The following PPFIA2 variants were observed in gnomAD, a reference collection of about 807,000 sequenced individuals.
PPFIA2 encodes PPFI scaffold protein A2.
Under a neutral mutation model 175.5 loss-of-function variants are expected in PPFIA2, and 46 were observed. That is an observed-to-expected ratio of 0.26 (90% confidence interval 0.21 to 0.34). The LOEUF (loss-of-function observed/expected upper bound fraction) is 0.34. Ranked by LOEUF, PPFIA2 falls within the 10% of genes least tolerant of loss-of-function variation. The probability of loss-of-function intolerance (pLI) is 1.00; values close to 1 mark genes in which losing one functional copy is unlikely to be tolerated. For missense variants in PPFIA2, 1,179 were observed against 1,506.1 expected (o/e 0.78, Z 3.60); for synonymous variants, 568 against 511.4 (o/e 1.11, Z -1.49).
chr12:81,581,876 T>C (rs2074468266), intron 4 of PPFIA2, among the ~76,000 whole-genome samples: 1 of 151,906 alleles, frequency 6.6e-6, no homozygotes, highest in South Asian at 2.1e-4. Flanking sequence ...CTGAATGGTG[T>C]TTTAAAATGT....
intron 3 of PPFIA2, among the ~76,000 whole-genome samples, chr12:81,737,574 T>A (rs940315272): frequency 3.3e-5 from 5 of 151,866 alleles, no homozygotes; most frequent in African/African-American, 1.2e-4. Context: ...CAAAAATGAA[T>A]AATAATTCAC....
chr12:81,690,963 C>T (rs1007595607), intron 3 of PPFIA2, among the ~76,000 whole-genome samples: 1 of 152,092 alleles, frequency 6.6e-6, no homozygotes, highest in Admixed American at 6.6e-5. Context: ...TATAAGGACT[C>T]TTACATTGGA....
chr12:81,532,343 T>C (rs2064699128), intron 4 of PPFIA2, among the ~76,000 whole-genome samples: 1 of 151,560 alleles, frequency 6.6e-6, no homozygotes, highest in African/African-American at 2.4e-5. Flanking sequence ...AAAAAGAAAG[T>C]GAGATGAAAA....
chr12:81,536,469 A>C (rs939704009), intron 4 of PPFIA2, among the ~76,000 whole-genome samples: 2 of 151,346 alleles, frequency 1.3e-5, no homozygotes, highest in Non-Finnish European at 3.0e-5. Flanking sequence ...AACGAAAGAC[A>C]AGTATTGTTT....
chr12:81,523,150 G>C (rs1309928764), intron 4 of PPFIA2, among the ~76,000 whole-genome samples: 1 of 152,136 alleles, frequency 6.6e-6, no homozygotes, highest in African/African-American at 2.4e-5. Context: ...GGGAGGATGG[G>C]ATATACATTA....
chr12:81,692,806 C>G (rs2895902), intron 3 of PPFIA2, among the ~76,000 whole-genome samples: 135,771 of 152,134 alleles, frequency 0.89, 60,855 homozygotes, highest in East Asian at 1. Flanking sequence ...GAATGTATAA[C>G]AATCATTAAA....
intron 4 of PPFIA2, among the ~76,000 whole-genome samples, chr12:81,534,173 G>A (rs2065050841): frequency 6.6e-6 from 1 of 151,540 alleles, no homozygotes; most frequent in Non-Finnish European, 1.5e-5. Flanking sequence ...AAGGGTGTGT[G>A]TGTAAAAAGA....
intron 25 of PPFIA2, among the ~76,000 whole-genome samples, 161 bp from the exon 26 acceptor site, chr12:81,283,200 T>C (rs1484991661): frequency 6.6e-6 from 1 of 152,098 alleles, no homozygotes; most frequent in African/African-American, 2.4e-5. Context: ...GTGATCAATT[T>C]TGCAGTTCAA....
intron 30 of PPFIA2, among the ~76,000 whole-genome samples, chr12:81,264,363 T>C (rs1391086646): frequency 6.6e-6 from 1 of 152,244 alleles, no homozygotes; most frequent in Non-Finnish European, 1.5e-5. Context: ...AGTAGCAATA[T>C]ATAATTCAGC....
chr12:81,404,123 A>C (rs2042514770), intron 8 of PPFIA2, among the ~76,000 whole-genome samples: 1 of 152,028 alleles, frequency 6.6e-6, no homozygotes, highest in South Asian at 2.1e-4. Context: ...AAAATATTTG[A>C]AAAAAATATA....
intron 4 of PPFIA2, among the ~76,000 whole-genome samples, chr12:81,618,460 T>G (rs1175170346): frequency 6.6e-6 from 1 of 151,874 alleles, no homozygotes; most frequent in Non-Finnish European, 1.5e-5. Flanking sequence ...ATTTACTCAT[T>G]AATGTATTAT....
chr12:81,348,622 G>A (rs2140690352), intron 17 of PPFIA2, among the ~76,000 whole-genome samples: 1 of 152,192 alleles, frequency 6.6e-6, no homozygotes, highest in East Asian at 1.9e-4. Flanking sequence ...TGTAATCCCA[G>A]CTACTCGGGA....
At chr12:81,366,311 C>T (rs1445660884) in intron 14 of PPFIA2, among the ~76,000 whole-genome samples, 3 of 151,582 alleles carry the variant, frequency 2.0e-5, no homozygotes, top group Non-Finnish European at 4.4e-5. Context: ...GTTTCCTCTT[C>T]TACCACATAC....
At chr12:81,621,266 G>A (rs1423980027) in intron 4 of PPFIA2, among the ~76,000 whole-genome samples, 10 of 152,200 alleles carry the variant, frequency 6.6e-5, no homozygotes, top group Non-Finnish European at 1.5e-4. Context: ...TAGCTAGGGT[G>A]TGACTGAAGA....
At chr12:81,556,260 C>T (rs1033757243) in intron 4 of PPFIA2, among the ~76,000 whole-genome samples, 4 of 151,852 alleles carry the variant, frequency 2.6e-5, no homozygotes, top group African/African-American at 4.8e-5. Flanking sequence ...GATAAATGCA[C>T]GGTGGTCATT....
In PPFIA2 at chr12:81,523,920, A is replaced by G. The variant is rs1031571840; in HGVS notation, c.304-66054T>C. ...ATATAAACAATGAAAAATTCTTAGA[A>G]CAAAACTGAACCTTTAGAACTTTGG... On this transcript the variant is annotated intron_variant, in intron 4 of 32. Transcript: ENST00000549396. Among the ~76,000 whole-genome samples the G allele has an allele frequency of 5.9e-5, 9 of 152,182 alleles. No homozygotes were observed. In the East Asian group the frequency reaches 1.5e-3, roughly 26 times the overall value.
intron 22 of PPFIA2, among the ~76,000 whole-genome samples, chr12:81,308,597 A>G (rs2049944173): frequency 6.6e-6 from 1 of 152,190 alleles, no homozygotes; most frequent in Non-Finnish European, 1.5e-5. Flanking sequence ...AAATAAAATA[A>G]TGGTCCCCTA....
chr12:81,369,218 A>C (rs932057408), intron 11 of PPFIA2, 24 bp from the exon 12 acceptor site: 1 of 1,599,682 alleles, frequency 6.3e-7, no homozygotes, highest in East Asian at 2.3e-5. Flanking sequence ...TGAAGAATAC[A>C]CCTGAAATGT....
At chr12:81,709,374 T>G (rs2077598368) in intron 3 of PPFIA2, among the ~76,000 whole-genome samples, 1 of 152,136 alleles carries the variant, frequency 6.6e-6, no homozygotes, top group South Asian at 2.1e-4. Flanking sequence ...TTTATTTTGT[T>G]AATTTTTTTG....
Sources: gnomAD v4.1 joint callset for allele counts (sites outside exome capture counted in the v4.1 genomes callset) on GRCh38, gnomAD v4.1.1 for gene constraint, MANE v1.5 for transcripts, NCBI Gene and HGNC (gene_info 2026-07-23, HGNC 2026-07-21) for gene names.